The following RBL1 variants were observed in gnomAD, a reference collection of about 807,000 sequenced individuals.
RBL1 encodes the protein RB transcriptional corepressor like 1, also known as retinoblastoma-like protein 1.
Under a neutral mutation model 123.0 loss-of-function variants are expected in RBL1, and 82 were observed. That is an observed-to-expected ratio of 0.67 (90% confidence interval 0.56 to 0.80). The LOEUF is 0.80. Among genes scored for constraint, RBL1 ranks in the 30% least tolerant of loss-of-function variants. The probability of loss-of-function intolerance (pLI) is 0.00; values close to 1 mark genes in which losing one functional copy is unlikely to be tolerated. For synonymous variants in RBL1, 405 were observed against 441.3 expected (o/e 0.92, Z 1.03); for missense variants, 1,171 against 1,299.6 (o/e 0.90, Z 1.52).
Position 37,025,795 on chromosome 20 carries a change from T to C in RBL1, c.2383-2969A>G, listed in dbSNP as rs1423230898. 2.0e-5 allele frequency among the ~76,000 whole-genome samples: 3 copies of C among 148,354 alleles called. No homozygotes were observed. The East Asian group carries it at 6.0e-4, about 30-fold the overall frequency. ...TCTTGCTCTGTCACCCAGGCTGGAG[T>C]GCGGTGGCGTGATCTCGGCTCACTG... On this transcript the variant is annotated intron_variant, in intron 16 of 21. Transcript: ENST00000373664.
chr20:37,030,287 T>C (rs532508469), intron 16 of RBL1, among the ~76,000 whole-genome samples: 1 of 152,274 alleles, frequency 6.6e-6, no homozygotes, highest in East Asian at 1.9e-4. Flanking sequence ...AACCCCCATA[T>C]CTATGCTCAA....
chr20:37,086,118 C>T (rs1198958461), intron 2 of RBL1, among the ~76,000 whole-genome samples: 1 of 152,140 alleles, frequency 6.6e-6, no homozygotes, highest in Non-Finnish European at 1.5e-5. Flanking sequence ...CCCCCAGAAT[C>T]TGTCATTACA....
At chr20:37,085,956 T>A (rs1322574426) in intron 2 of RBL1, among the ~76,000 whole-genome samples, 8 of 151,990 alleles carry the variant, frequency 5.3e-5, no homozygotes, top group Non-Finnish European at 1.5e-5. Flanking sequence ...GCCTTGTTTT[T>A]TTAATTTGAA....
intron 13 of RBL1, 109 bp from the exon 14 acceptor site, chr20:37,040,394 CA>C: frequency 6.2e-6 from 9 of 1,444,414 alleles, no homozygotes; most frequent in Non-Finnish European, 6.4e-6. Flanking sequence ...TTCTGTTGCC[CA>C]GGCTGGAATG....
chr20:37,047,063 T>TA lies in RBL1; in HGVS notation c.1594dup (p.Tyr532LeufsTer4). The TA allele has an allele frequency of 1.3e-6, 2 of 1,584,118 alleles. No individual in the cohort carries two copies. The highest frequency in any genetic ancestry group is 1.7e-6 in the Non-Finnish European group (2 of 1,173,284). On this transcript the variant is annotated frameshift_variant, in exon 12 of 22. Coordinates refer to ENST00000373664, the MANE Select transcript of RBL1 (RefSeq NM_002895.5). LOFTEE classifies it high-confidence loss of function. ...TTGTTTTCATCTCACCTTATAAAAG[T>TA]AAAATGGTTGCAAGTTGAGAACTTC...
intron 2 of RBL1, among the ~76,000 whole-genome samples, chr20:37,088,164 C>G (rs1044633604): frequency 8.6e-5 from 13 of 151,540 alleles, no homozygotes; most frequent in Admixed American, 5.9e-4. Flanking sequence ...ACTCGGGAGG[C>G]TGAGGCAGGA....
chr20:37,055,879 T>A (rs760056576), intron 10 of RBL1, among the ~76,000 whole-genome samples: 1 of 151,906 alleles, frequency 6.6e-6, no homozygotes, highest in Non-Finnish European at 1.5e-5. Flanking sequence ...TGAAACTCCA[T>A]CTCTACTAAA....
intron 11 of RBL1, among the ~76,000 whole-genome samples, chr20:37,052,969 G>C (rs1036338477): frequency 6.6e-6 from 1 of 152,166 alleles, no homozygotes; most frequent in African/African-American, 2.4e-5. Flanking sequence ...AATGATTACA[G>C]AGTCAATTCA....
At chr20:37,010,820 C>T (rs1346978108) in intron 19 of RBL1, among the ~76,000 whole-genome samples, 2 of 151,270 alleles carry the variant, frequency 1.3e-5, no homozygotes, top group Non-Finnish European at 2.9e-5. Context: ...ATATAATTAT[C>T]TTTTTTATTT....
At chr20:37,069,181 C>T (rs1243616943) in intron 2 of RBL1, among the ~76,000 whole-genome samples, 3 of 152,252 alleles carry the variant, frequency 2.0e-5, no homozygotes, top group Non-Finnish European at 4.4e-5. Context: ...GTGATCTCGG[C>T]TCGCTACAAC....
Position 37,009,910 on chromosome 20 carries a change from A to G in RBL1, c.2723-2351T>C, listed in dbSNP as rs181721537. Among the ~76,000 whole-genome samples the G allele has an allele frequency of 3.2e-3, 487 of 152,176 alleles. 6 individuals carry two copies. Among genetic ancestry groups the G allele is most frequent in the African/African-American group, 0.011 (474 of 41,550 alleles). On this transcript the variant is annotated intron_variant, in intron 19 of 21. Coordinates refer to ENST00000373664, the MANE Select transcript of RBL1 (RefSeq NM_002895.5). ...TGTGGTGGCATGCACCTTTAGCCCT[A>G]GCTACTTGGGAGGCTGAGATGACAG...
intron 9 of RBL1, among the ~76,000 whole-genome samples, chr20:37,056,989 CTTT>C (rs1405940319): frequency 2.5e-5 from 1 of 39,510 alleles, no homozygotes; most frequent in African/African-American, 6.9e-5. Context: ...ATCTCTATTT[CTTT>C]CTATCTATCT....
In RBL1 at chr20:37,047,058, A is replaced by G. The variant is rs1227296952; in HGVS notation, c.1600T>C (p.Tyr534His). Residue 534 changes from tyrosine to histidine, a missense_variant, in exon 12 of 22, where the codon TAT (tyrosine) becomes CAT (histidine). Tyr to His is a moderately conservative substitution (Grantham distance 83). Coordinates refer to ENST00000373664, the MANE Select transcript of RBL1 (RefSeq NM_002895.5). ...EVLNLQPFYF[Y>H]KVIEVVIRSE... is the part of the protein sequence containing the mutation. ...GAACTTTGTTTTCATCTCACCTTATAAAAGTAAAATGGTTGCAAGTTGAGA... is the reference window on the plus strand; with the variant it reads ...GAACTTTGTTTTCATCTCACCTTATGAAAGTAAAATGGTTGCAAGTTGAGA... The G allele has an allele frequency of 5.7e-6, 9 of 1,582,528 alleles. No homozygotes were observed. The highest frequency in any genetic ancestry group is 7.7e-6 in the Non-Finnish European group (9 of 1,172,834).
intron 1 of RBL1, among the ~76,000 whole-genome samples, chr20:37,089,375 G>A (rs2065610077): frequency 6.6e-6 from 1 of 151,694 alleles, no homozygotes; most frequent in Admixed American, 6.6e-5. Flanking sequence ...TAAAAGCCTG[G>A]CTTGGTGGCT....
chr20:37,052,422 C>T (rs1438885289), intron 11 of RBL1, among the ~76,000 whole-genome samples: 1 of 151,386 alleles, frequency 6.6e-6, no homozygotes, highest in Non-Finnish European at 1.5e-5. Context: ...ACCTCTTCCT[C>T]CCGGGCTCAA....
intron 1 of RBL1, 116 bp from the exon 2 acceptor site, chr20:37,089,238 GC>G: frequency 2.0e-6 from 2 of 1,020,948 alleles, no homozygotes; most frequent in Non-Finnish European, 2.7e-6. Flanking sequence ...TAGATAAAGG[GC>G]CAGAGAAGTG....
intron 13 of RBL1, 110 bp downstream of exon 13, chr20:37,043,976 T>C: frequency 4.8e-6 from 4 of 838,230 alleles, no homozygotes; most frequent in South Asian, 5.0e-5. Flanking sequence ...AACCACTGAA[T>C]TGTACACTTA....
intron 19 of RBL1, among the ~76,000 whole-genome samples, chr20:37,010,250 T>C (rs1368106948): frequency 6.6e-6 from 1 of 151,948 alleles, no homozygotes; most frequent in African/African-American, 2.4e-5. Context: ...AGAAATGGGT[T>C]TTTACTGATG....
chr20:37,037,994 T>G (rs1278734154), intron 14 of RBL1, among the ~76,000 whole-genome samples: 1 of 145,506 alleles, frequency 6.9e-6, no homozygotes, highest in African/African-American at 2.6e-5. Context: ...CATTGTTTTT[T>G]TTTTTTTTTT....
Sources: allele counts gnomAD v4.1 joint callset (sites outside exome capture counted in the v4.1 genomes callset), GRCh38; gene constraint gnomAD v4.1.1; transcripts MANE v1.5; gene names NCBI Gene and HGNC (gene_info 2026-07-23, HGNC 2026-07-21).